Variants in MEF2C observed in about 807,000 individuals in gnomAD.
MEF2C encodes myocyte enhancer factor 2C, also known as myocyte-specific enhancer factor 2C.
MEF2C carries 6 observed loss-of-function variants against 50.5 expected under a neutral mutation model. The observed-to-expected ratio is 0.12, with a 90% CI of 0.07 to 0.23. The LOEUF (loss-of-function observed/expected upper bound fraction) is 0.23. Among genes scored for constraint, MEF2C ranks in the 10% least tolerant of loss-of-function variants. The probability of loss-of-function intolerance (pLI) is 1.00; values close to 1 mark genes in which losing one functional copy is unlikely to be tolerated. For synonymous variants in MEF2C, 183 were observed against 228.0 expected (o/e 0.80, Z 1.78); for missense variants, 276 against 605.0 (o/e 0.46, Z 5.70).
At position 88,717,605 on chromosome 5, in the gene MEF2C, C is replaced by A. The variant is rs1296193250; in HGVS notation, c.*4999G>T. The stretch of plus-strand genomic sequence containing the variant: ...TCCTCGAACTGCATTCTTTTTGGAG[C>A]AGATATCACTACTAATGCAAAAGTC... On this transcript the variant is annotated 3_prime_UTR_variant, in exon 11 of 11. Coordinates refer to ENST00000504921, the MANE Select transcript of MEF2C (RefSeq NM_002397.5). The A allele has an allele frequency of 6.6e-6, 1 of 152,184 alleles. No homozygotes were observed. Among genetic ancestry groups the A allele is most frequent in the Non-Finnish European group, 1.5e-5 (1 of 68,036 alleles). The allele number at this position is 152,184 out of a possible 1,614,324, so 9.4% of individuals were successfully genotyped here. A position where few individuals can be genotyped will look rare whatever the true frequency, so the allele number is the denominator to read the frequency against.
At chr5:88,731,248 T>C (rs1002233081) in intron 7 of MEF2C, among the ~76,000 whole-genome samples, 4 of 152,184 alleles carry the variant, frequency 2.6e-5, no homozygotes, top group East Asian at 1.9e-4. Flanking sequence ...GATATAATCA[T>C]TGCAATACAT....
chr5:88,733,966 C>T (rs964600111), intron 6 of MEF2C: 20 of 984,912 alleles, frequency 2.0e-5, no homozygotes, highest in South Asian at 4.7e-5. Context: ...ACAGTAAATT[C>T]GAACAGTATT....
chr5:88,811,508 G>C (rs1802788564), intron 2 of MEF2C, among the ~76,000 whole-genome samples: 1 of 152,032 alleles, frequency 6.6e-6, no homozygotes, highest in Admixed American at 6.6e-5. Flanking sequence ...CTAATTTTTA[G>C]ATGTTCTTAA....
intron 3 of MEF2C, among the ~76,000 whole-genome samples, chr5:88,792,900 C>T (rs919325414): frequency 1.3e-5 from 2 of 152,102 alleles, no homozygotes; most frequent in African/African-American, 4.8e-5. Context: ...AAATGTGCAA[C>T]GTTATGCCAC....
chr5:88,732,232 A>C (rs990980581), intron 6 of MEF2C, among the ~76,000 whole-genome samples: 1 of 152,182 alleles, frequency 6.6e-6, no homozygotes, highest in African/African-American at 2.4e-5. Flanking sequence ...CTGGTCTTGC[A>C]CTTTAATTGA....
At chr5:88,739,898 C>G (rs2152399823) in intron 6 of MEF2C, 1 of 985,202 alleles carries the variant, frequency 1.0e-6, no homozygotes, top group African/African-American at 1.7e-5. Context: ...CTAAAGACTC[C>G]TAATTAGGGA....
At chr5:88,878,343 T>C (rs1183878003) in intron 1 of MEF2C, among the ~76,000 whole-genome samples, 2 of 151,950 alleles carry the variant, frequency 1.3e-5, no homozygotes, top group Non-Finnish European at 2.9e-5. Context: ...TTAAGACCCA[T>C]TACAGGAATG....
At chr5:88,899,441 A>G (rs965785985) in intron 1 of MEF2C, among the ~76,000 whole-genome samples, 1 of 152,170 alleles carries the variant, frequency 6.6e-6, no homozygotes, top group African/African-American at 2.4e-5. Context: ...TTACTTTCCT[A>G]TGATTTGTAC....
chr5:88,773,429 AAG>A, intron 3 of MEF2C, among the ~76,000 whole-genome samples: 1 of 152,208 alleles, frequency 6.6e-6, no homozygotes, highest in African/African-American at 2.4e-5. Context: ...AATCACGTGG[AAG>A]AGAGAGTTAA....
chr5:88,779,464 T>G (rs370939425), intron 3 of MEF2C, among the ~76,000 whole-genome samples: 11 of 152,126 alleles, frequency 7.2e-5, no homozygotes, highest in African/African-American at 2.7e-4. Context: ...AGCAGATAGA[T>G]AGAAATCAAT....
At position 88,864,805 on chromosome 5, in the gene MEF2C, C is replaced by T. The variant is rs1436051172; in HGVS notation, c.-143+18150G>A. ...TTTTTGAGATGGAGTTTCGCTCTGT[C>T]GCCTAGGCCGGAGTGCAATGGCGCA... is the stretch of plus-strand genomic sequence containing the variant. On this transcript the variant is annotated intron_variant, in intron 1 of 10. Coordinates refer to ENST00000504921, the MANE Select transcript of MEF2C (RefSeq NM_002397.5). 2.0e-5 allele frequency among the ~76,000 whole-genome samples: 3 copies of T among 149,008 alleles called. No individual in the cohort carries two copies. In the East Asian group the frequency reaches 5.9e-4, roughly 29 times the overall value.
intron 1 of MEF2C, among the ~76,000 whole-genome samples, chr5:88,835,029 T>C (rs1403012289): frequency 6.6e-6 from 1 of 152,184 alleles, no homozygotes; most frequent in Non-Finnish European, 1.5e-5. Flanking sequence ...GTTTCTAAAT[T>C]GACATCAATT....
intron 1 of MEF2C, among the ~76,000 whole-genome samples, chr5:88,860,321 T>C (rs962329578): frequency 7.3e-5 from 11 of 151,510 alleles, no homozygotes; most frequent in African/African-American, 2.7e-4. Context: ...ACTATTTGTA[T>C]GCTTTTTTTT....
At chr5:88,801,775 C>T (rs548021960) in intron 3 of MEF2C, among the ~76,000 whole-genome samples, 6 of 152,218 alleles carry the variant, frequency 3.9e-5, no homozygotes, top group East Asian at 3.9e-4. Context: ...TGTGAGTCAC[C>T]GTGCCTGGCC....
At chr5:88,821,424 A>T (rs1008937006) in intron 2 of MEF2C, among the ~76,000 whole-genome samples, 2 of 150,906 alleles carry the variant, frequency 1.3e-5, no homozygotes, top group Non-Finnish European at 3.0e-5. Flanking sequence ...CACCCAGTTA[A>T]TTTTTTTTTA....
intron 1 of MEF2C, among the ~76,000 whole-genome samples, chr5:88,866,842 A>G (rs1827548508): frequency 1.3e-5 from 2 of 152,194 alleles, no homozygotes; most frequent in African/African-American, 2.4e-5. Flanking sequence ...AATTTACTGA[A>G]TAACTCCTGA....
intron 3 of MEF2C, among the ~76,000 whole-genome samples, chr5:88,794,021 C>T (rs1309668200): frequency 1.3e-5 from 2 of 152,178 alleles, no homozygotes; most frequent in African/African-American, 4.8e-5. Context: ...ATATGTGCCA[C>T]ATTTTCTTTA....
At chr5:88,790,374 T>C (rs1223573368) in intron 3 of MEF2C, among the ~76,000 whole-genome samples, 1 of 152,214 alleles carries the variant, frequency 6.6e-6, no homozygotes, top group Non-Finnish European at 1.5e-5. Flanking sequence ...CAGCATCACC[T>C]GGTCAGAAAT....
chr5:88,861,623 G>C (rs1185106804), intron 1 of MEF2C, among the ~76,000 whole-genome samples: 1 of 152,138 alleles, frequency 6.6e-6, no homozygotes, highest in African/African-American at 2.4e-5. Flanking sequence ...GCCTTTCTGA[G>C]ACAACAGTCC....
Sources: gnomAD v4.1 joint callset for allele counts (sites outside exome capture counted in the v4.1 genomes callset) on GRCh38, gnomAD v4.1.1 for gene constraint, MANE v1.5 for transcripts, NCBI Gene and HGNC (gene_info 2026-07-23, HGNC 2026-07-21) for gene names.